The following ATE1 variants were observed in gnomAD, a reference collection of about 807,000 sequenced individuals.
The protein encoded by ATE1 is arginyl-tRNA--protein transferase 1.
A neutral mutation model predicts 70.5 loss-of-function variants in ATE1; 36 were observed. That is an observed-to-expected ratio of 0.51 (90% CI 0.39 to 0.67). The LOEUF is 0.67. Ranked by LOEUF, ATE1 falls within the 30% of genes least tolerant of loss-of-function variation. The pLI is 0.00. For synonymous variants in ATE1, 232 were observed against 219.3 expected, an observed-to-expected ratio of 1.06 and a Z score of -0.51; for missense variants, 593 against 629.5, an observed-to-expected ratio of 0.94 and a Z score of 0.62.
intron 1 of ATE1, chr10:121,927,083 T>A: frequency 2.0e-6 from 2 of 985,394 alleles, no homozygotes; most frequent in Non-Finnish European, 2.4e-6. Flanking sequence ...AGAGTCTACA[T>A]TCTATATTGG....
chr10:121,878,572 G>A (rs1175404515), intron 7 of ATE1, among the ~76,000 whole-genome samples: 3 of 150,000 alleles, frequency 2.0e-5, no homozygotes. Context: ...CAGCCTGGGC[G>A]ACAGAGGGAG....
intron 10 of ATE1, among the ~76,000 whole-genome samples, chr10:121,829,326 G>A (rs1323213200): frequency 6.6e-6 from 1 of 152,168 alleles, no homozygotes; most frequent in African/African-American, 2.4e-5. Flanking sequence ...AGGAAGCTGA[G>A]GCAGGAGAAC....
rs866953874 is a variant in ATE1, at chr10:121,907,556, C to T, written c.583+3350G>A. 3.3e-5 allele frequency among the ~76,000 whole-genome samples: 5 copies of T among 152,124 alleles called. No individual in the cohort carries two copies. In the South Asian group the frequency reaches 8.3e-4, roughly 25 times the overall value. ...TTGGGAGGCCGAGGCGGATGGATCA[C>T]GAGATCAGGAGGTCAAGATCATCCT... On this transcript the variant is annotated intron_variant, in intron 5 of 11. Transcript: ENST00000224652.
intron 11 of ATE1, among the ~76,000 whole-genome samples, chr10:121,759,301 T>G (rs970636017): frequency 1.3e-5 from 2 of 152,282 alleles, no homozygotes; most frequent in Non-Finnish European, 2.9e-5. Flanking sequence ...AATGCCTAAT[T>G]CAGAGCAAGA....
At chr10:121,900,132 A>G in intron 6 of ATE1, 138 bp from the exon 7 acceptor site, 1 of 930,948 alleles carries the variant, frequency 1.1e-6, no homozygotes, top group Non-Finnish European at 1.5e-6. Context: ...AATATTAAAA[A>G]CCAACCAGTT....
At position 121,851,655 on chromosome 10, in the gene ATE1, G is replaced by T. The variant is rs141860219; in HGVS notation, c.976-10392C>A. Among the ~76,000 whole-genome samples the T allele has an allele frequency of 3.2e-4, 49 of 152,290 alleles. No homozygotes were observed. In the East Asian group the frequency reaches 3.9e-3, roughly 12 times the overall value. On this transcript the variant is annotated intron_variant, in intron 8 of 11. Transcript: ENST00000224652. ...ACTTAACAGCAAAGTTACTTAAACA[G>T]CAGTTATCTTTCATTTCCTCATACA...
intron 10 of ATE1, among the ~76,000 whole-genome samples, chr10:121,810,362 C>T (rs1307625309): frequency 6.6e-6 from 1 of 151,922 alleles, no homozygotes. Flanking sequence ...GCTCTGCCTC[C>T]CAGGTTCACG....
Position 121,886,708 on chromosome 10 carries a change from G to T in ATE1, c.942+13158C>A, listed in dbSNP as rs1056068488. ...GAAGTCTGGTGATGTTTTGTGACCAGAAATATGCTGTAGGAACTTAACTCT... is the reference window on the plus strand; with the variant it reads ...GAAGTCTGGTGATGTTTTGTGACCATAAATATGCTGTAGGAACTTAACTCT... On this transcript the variant is annotated intron_variant, in intron 7 of 11. Coordinates refer to ENST00000224652, the MANE Select transcript of ATE1 (RefSeq NM_001001976.3). 2.6e-5 allele frequency among the ~76,000 whole-genome samples: 4 copies of T among 152,300 alleles called. No homozygotes were observed. In the South Asian group the frequency reaches 8.3e-4, roughly 32 times the overall value.
At chr10:121,798,983 G>A (rs1168785269) in intron 10 of ATE1, among the ~76,000 whole-genome samples, 1 of 150,904 alleles carries the variant, frequency 6.6e-6, no homozygotes, top group African/African-American at 2.4e-5. Context: ...TAGTAGTGAT[G>A]AACTGAGAGC....
chr10:121,800,836 G>C (rs1369512129), intron 10 of ATE1, among the ~76,000 whole-genome samples: 2 of 152,148 alleles, frequency 1.3e-5, no homozygotes, highest in African/African-American at 4.8e-5. Context: ...AGAGTGGGCT[G>C]TACCCCCAGA....
chr10:121,780,691 C>G (rs1945946935), intron 11 of ATE1, among the ~76,000 whole-genome samples: 1 of 152,192 alleles, frequency 6.6e-6, no homozygotes, highest in African/African-American at 2.4e-5. Flanking sequence ...CTTTGCCAAC[C>G]AGGCCTTCTG....
intron 7 of ATE1, among the ~76,000 whole-genome samples, chr10:121,879,463 C>A (rs1430952115): frequency 6.6e-6 from 1 of 152,138 alleles, no homozygotes; most frequent in Non-Finnish European, 1.5e-5. Flanking sequence ...CATAGTCTCC[C>A]TGAGGGCAAG....
chr10:121,759,530 C>T (rs1473171281), intron 11 of ATE1, among the ~76,000 whole-genome samples: 1 of 151,860 alleles, frequency 6.6e-6, no homozygotes, highest in African/African-American at 2.4e-5. Flanking sequence ...GAGACCATCC[C>T]GGCTAACACG....
chr10:121,790,884 C>T (rs1284631594), intron 10 of ATE1, among the ~76,000 whole-genome samples: 2 of 151,690 alleles, frequency 1.3e-5, no homozygotes, highest in East Asian at 3.9e-4. Context: ...ATCTGATAAT[C>T]CACTGAACTT....
At chr10:121,767,914 T>C (rs918799118) in intron 11 of ATE1, among the ~76,000 whole-genome samples, 1 of 152,214 alleles carries the variant, frequency 6.6e-6, no homozygotes, top group Admixed American at 6.5e-5. Context: ...TGAACAGTTA[T>C]TTGTACACCC....
At chr10:121,920,873 A>G (rs1951854028) in intron 3 of ATE1, among the ~76,000 whole-genome samples, 2 of 151,994 alleles carry the variant, frequency 1.3e-5, no homozygotes, top group African/African-American at 4.8e-5. Flanking sequence ...AGGCACCTGT[A>G]ATCCCAGCTA....
At chr10:121,778,494 C>T (rs1375326257) in intron 11 of ATE1, among the ~76,000 whole-genome samples, 3 of 149,288 alleles carry the variant, frequency 2.0e-5, no homozygotes, top group South Asian at 2.1e-4. Context: ...TGAAAAGGAT[C>T]GTCATTCAGG....
At chr10:121,818,913 T>C (rs1947671621) in intron 10 of ATE1, among the ~76,000 whole-genome samples, 1 of 152,144 alleles carries the variant, frequency 6.6e-6, no homozygotes, top group African/African-American at 2.4e-5. Context: ...TGGAGGTAAG[T>C]GGAATTGTAT....
intron 11 of ATE1, among the ~76,000 whole-genome samples, chr10:121,760,647 C>T (rs1484347720): frequency 6.6e-6 from 1 of 152,188 alleles, no homozygotes; most frequent in African/African-American, 2.4e-5. Context: ...AAATCTACCT[C>T]TGGTGAAGAT....
Sources: gnomAD v4.1 joint callset for allele counts (sites outside exome capture counted in the v4.1 genomes callset) on GRCh38, gnomAD v4.1.1 for gene constraint, MANE v1.5 for transcripts, NCBI Gene and HGNC (gene_info 2026-07-23, HGNC 2026-07-21) for gene names.